Variants in AQP5 observed in about 807,000 individuals in gnomAD.
AQP5 encodes the protein aquaporin-5.
In AQP5, 15 loss-of-function variants were observed where a neutral mutation model predicts 19.1. That is an observed-to-expected ratio of 0.79 (90% confidence interval 0.53 to 1.21). The LOEUF is 1.21. Among genes scored for constraint, AQP5 ranks in the 50% most tolerant of loss-of-function variants. The pLI is 0.00. For synonymous variants in AQP5, 182 were observed against 160.3 expected (o/e 1.14, Z -1.02); for missense variants, 355 against 357.1 (o/e 0.99, Z 0.05).
rs771368210 is a variant in AQP5, at chr12:49,962,201, C to A, written c.184C>A (p.Pro62Thr). 2 of 1,608,094 alleles carry A rather than the reference C, an allele frequency of 1.2e-6. No individual in the cohort carries two copies. Residue 62 changes from proline (P) to threonine (T), a missense_variant, in exon 1 of 4, where the codon CCC (proline) becomes ACC (threonine). Pro to Thr is a conservative substitution (Grantham distance 38). Coordinates refer to ENST00000293599, the MANE Select transcript of AQP5 (RefSeq NM_001651.4). ...AIGTLAQALG[P>T]VSGGHINPAI... ...AGGCACGCTGGCCCAGGCCCTGGGA[C>A]CCGTGAGCGGCGGCCACATCAACCC...
intron 3 of AQP5, chr12:49,964,588 C>CT: frequency 1.1e-6 from 1 of 941,272 alleles, no homozygotes; most frequent in Non-Finnish European, 1.3e-6. Flanking sequence ...GACAGTCTGT[C>CT]TGCCCCCCCT....
chr12:49,963,834 G>A, intron 2 of AQP5, 178 bp downstream of exon 2: 1 of 993,888 alleles, frequency 1.0e-6, no homozygotes, highest in Non-Finnish European at 1.4e-6. Flanking sequence ...CAAAACCTCT[G>A]GGCTGAGGAA....
rs117761535 is a variant in AQP5 at position 49,964,141 on chromosome 12, C to T, written c.578C>T (p.Ala193Val). The change falls in exon 3 of 4, where the codon GCG (alanine) becomes GTG (valine). Residue 193 changes from alanine to valine, a missense_variant. Transcript: ENST00000293599. Reference sequence around the variant, plus strand: ...AACCCAGCCCGCTCTTTTGGCCCTGCGGTGGTCATGAATCGGTTCAGCCCC... The same window carrying T: ...AACCCAGCCCGCTCTTTTGGCCCTGTGGTGGTCATGAATCGGTTCAGCCCC... ...SMNPARSFGPAVVMNRFSPAH... is the reference protein window; with the variant it reads ...SMNPARSFGPVVVMNRFSPAH... 1.3e-3 allele frequency: 2,124 copies of T among 1,614,156 alleles called. 6 individuals carry two copies. The highest frequency in any genetic ancestry group is 1.6e-3 in the Non-Finnish European group (1,910 of 1,180,028).
chr12:49,964,055 A>T (rs201891721), intron 2 of AQP5, 37 bp from the exon 3 acceptor site: 65 of 1,565,184 alleles, frequency 4.2e-5, no homozygotes, highest in Middle Eastern at 3.3e-4. Context: ...GTGGACCAGG[A>T]TGTTGCCTTT....
At chr12:49,962,524 G>A (rs1947440320) in intron 1 of AQP5, 144 bp downstream of exon 1, 2 of 1,271,842 alleles carry the variant, frequency 1.6e-6, no homozygotes, top group East Asian at 5.1e-5. Context: ...CCCAAGGCCA[G>A]GAAGGCAACT....
chr12:49,964,501 C>A, intron 3 of AQP5: 4 of 372,396 alleles, frequency 1.1e-5, no homozygotes, highest in Non-Finnish European at 1.5e-5. Flanking sequence ...TGTCTGCGTG[C>A]TGGTCCTCTC....
Position 49,964,186 on chromosome 12 carries a change from C to A in AQP5, c.612+11C>A. ...AGCCCCGCTCACTGGGTGAGTCTGTCCCTTCCCCTGGCTCCCTGGAGATGA... is the reference window on the plus strand; with the variant it reads ...AGCCCCGCTCACTGGGTGAGTCTGTACCTTCCCCTGGCTCCCTGGAGATGA... On this transcript the variant is annotated intron_variant, in intron 3 of 3. Transcript: ENST00000293599. 6.2e-7 allele frequency: 1 copy of A among 1,613,052 alleles called. No homozygotes were observed. The highest frequency in any genetic ancestry group is 8.5e-7 in the Non-Finnish European group (1 of 1,179,054).
In AQP5 at chr12:49,963,949, G is replaced by A. The variant is rs1947458086; in HGVS notation, c.529-143G>A. 2.6e-5 allele frequency: 23 copies of A among 873,802 alleles called. No individual in the cohort carries two copies. The South Asian group carries it at 3.4e-4, about 13-fold the overall frequency. 54.1% of individuals were successfully genotyped at this position (873,802 alleles called of 1,614,324 possible). On this transcript the variant is annotated intron_variant, in intron 2 of 3. Transcript: ENST00000293599. ...AGGGTCCATGGTTAACCAAGCAGCT[G>A]GGATCCTTGGAGGGAGAGGTTGCCA...
chr12:49,963,883 A>G, intron 2 of AQP5: 1 of 772,674 alleles, frequency 1.3e-6, no homozygotes. Context: ...GACAGGAATC[A>G]AACCCAACCT....
Position 49,965,046 on chromosome 12 carries a change from T to C in AQP5, c.667T>C (p.Tyr223His), listed in dbSNP as rs1947474633. The C allele has an allele frequency of 1.9e-6, 3 of 1,614,048 alleles. No individual in the cohort carries two copies. The highest frequency in any genetic ancestry group is 2.5e-6 in the Non-Finnish European group (3 of 1,179,988). ...GGTCCTGGCTGCCATCCTTTACTTC[T>C]ACCTGCTCTTCCCCAACTCCCTGAG... ...GAVLAAILYF[Y>H]LLFPNSLSLS... Residue 223 changes from tyrosine (Y) to histidine (H), a missense_variant, in exon 4 of 4, where the codon TAC becomes CAC. By Grantham distance (83) the Tyr-to-His change is moderately conservative. Transcript: ENST00000293599.
rs1415814000 is a variant in AQP5, at chr12:49,965,609, T to C, written c.*432T>C. The C allele has an allele frequency of 6.4e-6, 1 of 156,328 alleles. No homozygotes were observed. Among genetic ancestry groups the C allele is most frequent in the African/African-American group, 2.4e-5 (1 of 41,564 alleles). 9.7% of individuals were successfully genotyped at this position (156,328 alleles called of 1,614,324 possible). ...GGTTCATTGAATGCCGCCTTATTTA[T>C]TTCTGGTGAGGATGCATGCGTGGGG... On this transcript the variant is annotated 3_prime_UTR_variant, in exon 4 of 4. Coordinates refer to ENST00000293599, the MANE Select transcript of AQP5 (RefSeq NM_001651.4).
chr12:49,963,378 C>A, intron 1 of AQP5, 114 bp from the exon 2 acceptor site: 2 of 1,429,200 alleles, frequency 1.4e-6, no homozygotes, highest in South Asian at 1.3e-5. Flanking sequence ...CAGGACTTGG[C>A]TTCCAGGTGC....
intron 3 of AQP5, chr12:49,964,750 C>T (rs1947470866): frequency 2.0e-6 from 2 of 985,374 alleles, no homozygotes; most frequent in Non-Finnish European, 1.2e-6. Flanking sequence ...GAGCCTGTCC[C>T]TCTGGGAATC....
Position 49,962,209 on chromosome 12 carries a change from C to T in AQP5, c.192C>T (p.Ser64=), listed in dbSNP as rs765854166. Residue 64 remains serine (S), a synonymous_variant, in exon 1 of 4, where the codon AGC becomes AGT. Coordinates refer to ENST00000293599, the MANE Select transcript of AQP5 (RefSeq NM_001651.4). The part of the protein sequence containing the change: ...GTLAQALGPV[S]GGHINPAITL... Reference sequence around the variant, plus strand: ...TGGCCCAGGCCCTGGGACCCGTGAGCGGCGGCCACATCAACCCCGCCATCA... The same window carrying T: ...TGGCCCAGGCCCTGGGACCCGTGAGTGGCGGCCACATCAACCCCGCCATCA... The T allele has an allele frequency of 5.6e-6, 9 of 1,606,814 alleles. No homozygotes were observed. Among genetic ancestry groups the T allele is most frequent in the Middle Eastern group, 1.7e-4 (1 of 5,906 alleles).
rs763917616 is a variant in AQP5 at position 49,963,666 on chromosome 12, AC to A, written c.528+12del. 40 of 1,611,118 alleles carry A rather than the reference AC, an allele frequency of 2.5e-5. No individual in the cohort carries two copies. Among genetic ancestry groups the A allele is most frequent in the Non-Finnish European group, 3.2e-5 (38 of 1,178,414 alleles). On this transcript the variant is annotated intron_variant, in intron 2 of 3. Coordinates refer to ENST00000293599, the MANE Select transcript of AQP5 (RefSeq NM_001651.4). ...GGGCCACCTTGTCGGAGTGAGCAGT[AC>A]CGACATTGGGCTGGGGTGAGGGTGG...
At chr12:49,964,869 G>A in intron 3 of AQP5, 123 bp from the exon 4 acceptor site, 3 of 1,481,368 alleles carry the variant, frequency 2.0e-6, no homozygotes, top group Non-Finnish European at 2.7e-6. Context: ...TCTCCCTGAA[G>A]GTCTGGAAGT....
chr12:49,964,167 G>T lies in AQP5; in HGVS notation c.604G>T (p.Ala202Ser), dbSNP rs771953539. Residue 202 changes from alanine (A) to serine (S), a missense_variant, in exon 3 of 4, where the codon GCT becomes TCT. Coordinates refer to ENST00000293599, the MANE Select transcript of AQP5 (RefSeq NM_001651.4). ...PAVVMNRFSP[A>S]HWVFWVGPIV... ...GGTGGTCATGAATCGGTTCAGCCCCGCTCACTGGGTGAGTCTGTCCCTTCC... is the reference window on the plus strand; with the variant it reads ...GGTGGTCATGAATCGGTTCAGCCCCTCTCACTGGGTGAGTCTGTCCCTTCC... The T allele has an allele frequency of 6.2e-7, 1 of 1,613,994 alleles. No homozygotes were observed. Among genetic ancestry groups the T allele is most frequent in the Non-Finnish European group, 8.5e-7 (1 of 1,179,910 alleles).
At chr12:49,963,076 G>A (rs1947447192) in intron 1 of AQP5, among the ~76,000 whole-genome samples, 1 of 152,252 alleles carries the variant, frequency 6.6e-6, no homozygotes. Context: ...TTGTCAAGCT[G>A]TGAGTCAGCC....
At chr12:49,962,408 C>T (rs1035331240) in intron 1 of AQP5, 28 bp downstream of exon 1, 3 of 1,448,968 alleles carry the variant, frequency 2.1e-6, no homozygotes, top group African/African-American at 3.0e-5. Context: ...GGGGTGGGAG[C>T]CTCGACCCTG....
Sources: allele counts gnomAD v4.1 joint callset (sites outside exome capture counted in the v4.1 genomes callset), GRCh38; gene constraint gnomAD v4.1.1; transcripts MANE v1.5; gene names NCBI Gene and HGNC (gene_info 2026-07-23, HGNC 2026-07-21).